The following RXFP2 variants were observed in gnomAD, a reference collection of about 807,000 sequenced individuals.
RXFP2 encodes the protein relaxin receptor 2.
In RXFP2, 68 loss-of-function variants were observed where a neutral mutation model predicts 88.6. The observed-to-expected ratio is 0.77, with a 90% CI of 0.63 to 0.94. The LOEUF (loss-of-function observed/expected upper bound fraction) is 0.94, where lower values mean the gene tolerates loss of function less well. RXFP2 is among the 40% of genes least tolerant of loss of function. RXFP2 has a pLI of 0.00. For synonymous variants in RXFP2, 329 were observed against 306.8 expected (o/e 1.07, Z -0.76); for missense variants, 791 against 893.9 (o/e 0.88, Z 1.47).
chr13:31,753,466 G>A (rs1329257474), intron 1 of RXFP2, among the ~76,000 whole-genome samples: 2 of 152,146 alleles, frequency 1.3e-5, no homozygotes, highest in Non-Finnish European at 2.9e-5. Context: ...GTTTGGCAGA[G>A]GTCCCATGGA....
chr13:31,778,370 G>T, intron 8 of RXFP2, 142 bp from the exon 9 acceptor site: 1 of 635,380 alleles, frequency 1.6e-6, no homozygotes, highest in South Asian at 1.9e-5. Context: ...ATGTTTTAAA[G>T]ACCATTTTGA....
At chr13:31,765,430 T>C (rs1872509210) in intron 4 of RXFP2, among the ~76,000 whole-genome samples, 1 of 111,824 alleles carries the variant, frequency 8.9e-6, no homozygotes. Flanking sequence ...TGTGTTGAAA[T>C]GCTTTTTTTT....
At chr13:31,754,834 G>A (rs886986063) in intron 1 of RXFP2, among the ~76,000 whole-genome samples, 1 of 152,186 alleles carries the variant, frequency 6.6e-6, no homozygotes, top group African/African-American at 2.4e-5. Context: ...AGAAGTAGGG[G>A]AAGCTTTTAT....
At chr13:31,768,155 T>C (rs1872618378) in intron 5 of RXFP2, among the ~76,000 whole-genome samples, 1 of 152,184 alleles carries the variant, frequency 6.6e-6, no homozygotes, top group Non-Finnish European at 1.5e-5. Flanking sequence ...TCTAAGTAAA[T>C]GTCTAATTCT....
chr13:31,755,942 C>T (rs1871925656), intron 1 of RXFP2, among the ~76,000 whole-genome samples: 1 of 152,212 alleles, frequency 6.6e-6, no homozygotes, highest in Non-Finnish European at 1.5e-5. Context: ...GAGGTTGTGG[C>T]CACACCAGCC....
In RXFP2 at chr13:31,803,299, G is replaced by A. The variant is rs1370647060; in HGVS notation, c.*894G>A. 2 of 152,264 alleles carry A rather than the reference G, an allele frequency of 1.3e-5. No homozygotes were observed. The highest frequency in any genetic ancestry group is 3.9e-4 in the East Asian group (2 of 5,190). The allele number at this position is 152,264 out of a possible 1,614,324, so 9.4% of individuals were successfully genotyped here. A position where few individuals can be genotyped will look rare whatever the true frequency, so the allele number is the denominator to read the frequency against. On this transcript the variant is annotated 3_prime_UTR_variant, in exon 18 of 18. Coordinates refer to ENST00000298386, the MANE Select transcript of RXFP2 (RefSeq NM_130806.5). ...TGTTCTCATTGTTTTTAACAAAAAAGCAATGAAGTTTGGGGTGGTTTTTTG... is the reference window on the plus strand; with the variant it reads ...TGTTCTCATTGTTTTTAACAAAAAAACAATGAAGTTTGGGGTGGTTTTTTG...
At position 31,757,024 on chromosome 13, in the gene RXFP2, C is replaced by G. The variant is rs183066643; in HGVS notation, c.95-1234C>G. On this transcript the variant is annotated intron_variant, in intron 1 of 17. Coordinates refer to ENST00000298386, the MANE Select transcript of RXFP2 (RefSeq NM_130806.5). ...TCCTCTCAAAATTGAAAGAATATCT[C>G]TTACATTTAAATTGCTAGAATTGTT... 2.6e-5 allele frequency among the ~76,000 whole-genome samples: 4 copies of G among 152,304 alleles called. 1 individual carries two copies. Among genetic ancestry groups the G allele is most frequent in the African/African-American group, 7.2e-5 (3 of 41,564 alleles).
chr13:31,779,273 G>A (rs1459066957), intron 9 of RXFP2, among the ~76,000 whole-genome samples: 2 of 151,884 alleles, frequency 1.3e-5, no homozygotes, highest in Admixed American at 6.6e-5. Flanking sequence ...TTACAGGCAT[G>A]CACCACCAGG....
At chr13:31,768,590 C>T (rs1184201881) in intron 5 of RXFP2, among the ~76,000 whole-genome samples, 3 of 152,126 alleles carry the variant, frequency 2.0e-5, no homozygotes, top group Admixed American at 2.0e-4. Context: ...TGACCATGCT[C>T]CTTTGGAAGC....
At position 31,758,319 on chromosome 13, in the gene RXFP2, T is replaced by C; in HGVS notation, c.156T>C (p.Cys52=). ...CATGCCAAAAAGGATATTTTCCCTGTGGGAATCTTACCAAGTGCTTACCCC... is the reference window on the plus strand; with the variant it reads ...CATGCCAAAAAGGATATTTTCCCTGCGGGAATCTTACCAAGTGCTTACCCC... ...TPSCQKGYFP[C]GNLTKCLPRA... Residue 52 remains cysteine, a synonymous_variant, in exon 2 of 18, where the codon TGT becomes TGC. Transcript: ENST00000298386. 1 of 1,614,132 alleles carries C rather than the reference T, an allele frequency of 6.2e-7. No individual in the cohort carries two copies. Among genetic ancestry groups the C allele is most frequent in the South Asian group, 1.1e-5 (1 of 91,084 alleles).
chr13:31,791,699 C>G, intron 14 of RXFP2, 107 bp from the exon 15 acceptor site: 1 of 778,590 alleles, frequency 1.3e-6, no homozygotes. Flanking sequence ...AATAAACAAA[C>G]CTAGTGAAGT....
At chr13:31,783,518 A>ACTCAG (rs10626409) in intron 11 of RXFP2, among the ~76,000 whole-genome samples, 2 of 151,910 alleles carry the variant, frequency 1.3e-5, no homozygotes, top group African/African-American at 4.8e-5. Context: ...GGAGAAAATA[A>ACTCAG]TAAGAGTAAT....
chr13:31,764,689 G>T (rs1872469407), intron 3 of RXFP2, among the ~76,000 whole-genome samples: 1 of 145,768 alleles, frequency 6.9e-6, no homozygotes, highest in South Asian at 2.2e-4. Flanking sequence ...AATTGACTCA[G>T]TCATATCCAT....
Position 31,786,647 on chromosome 13 carries a change from A to G in RXFP2, c.1073+10A>G, listed in dbSNP as rs1335832300. On this transcript the variant is annotated intron_variant, in intron 13 of 17. Coordinates refer to ENST00000298386, the MANE Select transcript of RXFP2 (RefSeq NM_130806.5). ...AACAACTTCAGTCTCTGTAAGTGAA[A>G]TATTACAATTATATTGATTATAATT... is the stretch of plus-strand genomic sequence containing the variant. 6.8e-7 allele frequency: 1 copy of G among 1,477,354 alleles called. No individual in the cohort carries two copies. The allele number at this position is 1,477,354 out of a possible 1,614,324, so 91.5% of individuals were successfully genotyped here. A position where few individuals can be genotyped will look rare whatever the true frequency, so the allele number is the denominator to read the frequency against.
intron 10 of RXFP2, among the ~76,000 whole-genome samples, chr13:31,782,453 C>T (rs142566012): frequency 1.2e-4 from 19 of 152,200 alleles, no homozygotes; most frequent in African/African-American, 2.6e-4. Context: ...CTTTCTAGAC[C>T]GCACTCAGGA....
At position 31,792,669 on chromosome 13, in the gene RXFP2, C is replaced by G; in HGVS notation, c.1376-9C>G. The G allele has an allele frequency of 6.2e-7, 1 of 1,613,734 alleles. No homozygotes were observed. Among genetic ancestry groups the G allele is most frequent in the Non-Finnish European group, 8.5e-7 (1 of 1,179,704 alleles). ...ACTGATGACATACACTGTTTCAATTCTTCCACAGGTGCTGATTGCCTGATG... is the reference window on the plus strand; with the variant it reads ...ACTGATGACATACACTGTTTCAATTGTTCCACAGGTGCTGATTGCCTGATG... On this transcript the variant is annotated splice_polypyrimidine_tract_variant and intron_variant, in intron 15 of 17. Coordinates refer to ENST00000298386, the MANE Select transcript of RXFP2 (RefSeq NM_130806.5).
At chr13:31,782,061 C>T (rs753175214) in intron 10 of RXFP2, among the ~76,000 whole-genome samples, 4 of 151,980 alleles carry the variant, frequency 2.6e-5, no homozygotes, top group Admixed American at 6.6e-5. Flanking sequence ...AAGGGGTTAG[C>T]TGTACAATGA....
intron 5 of RXFP2, among the ~76,000 whole-genome samples, chr13:31,773,053 G>A (rs1041313589): frequency 1.3e-5 from 2 of 152,138 alleles, no homozygotes; most frequent in Admixed American, 6.5e-5. Flanking sequence ...ATTTGCTACT[G>A]TAACATAATT....
At chr13:31,797,479 G>A in intron 17 of RXFP2, 60 bp downstream of exon 17, 1 of 1,195,330 alleles carries the variant, frequency 8.4e-7, no homozygotes, top group Non-Finnish European at 1.2e-6. Flanking sequence ...TCCTTCTTTT[G>A]ACAAGGCCAG....
Sources: allele counts gnomAD v4.1 joint callset (sites outside exome capture counted in the v4.1 genomes callset), GRCh38; gene constraint gnomAD v4.1.1; transcripts MANE v1.5; gene names NCBI Gene and HGNC (gene_info 2026-07-23, HGNC 2026-07-21).